ESRRG: variants seen among roughly 807,000 people sequenced by gnomAD.
ESRRG encodes the protein estrogen-related receptor gamma.
In ESRRG, 13 loss-of-function variants were observed where a neutral mutation model predicts 44.0. The ratio of observed to expected loss-of-function variants is 0.30; its 90% confidence interval spans 0.19 to 0.47. The LOEUF (loss-of-function observed/expected upper bound fraction) is 0.47, where lower values mean the gene tolerates loss of function less well. Among genes scored for constraint, ESRRG ranks in the 20% least tolerant of loss-of-function variants. The pLI is 1.00. For missense variants in ESRRG, 395 were observed against 580.6 expected, an observed-to-expected ratio of 0.68 and a Z score of 3.29; for synonymous variants, 215 against 214.6, an observed-to-expected ratio of 1.00 and a Z score of -0.02.
intron 3 of ESRRG, among the ~76,000 whole-genome samples, chr1:216,611,795 A>C (rs559722553): frequency 3.8e-4 from 58 of 152,314 alleles, no homozygotes; most frequent in African/African-American, 1.2e-3. Context: ...ATAGGACAAG[A>C]AACAATTCTT....
intron 3 of ESRRG, among the ~76,000 whole-genome samples, chr1:216,613,546 C>T (rs187034820): frequency 2.6e-5 from 4 of 152,246 alleles, no homozygotes; most frequent in East Asian, 3.9e-4. Context: ...TATGAGACCA[C>T]GTAAAGCCTC....
Position 216,871,740 on chromosome 1 carries a change from T to G in ESRRG, c.-14+67842A>C, listed in dbSNP as rs2096262545. Reference sequence around the variant, plus strand: ...ATCATCCTATAGTCCCCTTTATCCTTTCCTCTTTATGTCGTAGTTGCCATA... The same window carrying G: ...ATCATCCTATAGTCCCCTTTATCCTGTCCTCTTTATGTCGTAGTTGCCATA... On this transcript the variant is annotated intron_variant, in intron 2 of 7. Coordinates refer to the ESRRG transcript ENST00000359162. Among the ~76,000 whole-genome samples, 4 of 152,172 alleles carry G rather than the reference T, an allele frequency of 2.6e-5. No homozygotes were observed. In the South Asian group the frequency reaches 8.3e-4, roughly 32 times the overall value.
intron 2 of ESRRG, among the ~76,000 whole-genome samples, chr1:216,651,593 T>G (rs2068978262): frequency 6.6e-6 from 1 of 152,050 alleles, no homozygotes; most frequent in Non-Finnish European, 1.5e-5. Context: ...TCCTAGAGGG[T>G]AGGGACAGAA....
At chr1:217,040,095 G>T (rs11572418) in intron 1 of ESRRG, among the ~76,000 whole-genome samples, 1 of 152,094 alleles carries the variant, frequency 6.6e-6, no homozygotes, top group Non-Finnish European at 1.5e-5. Flanking sequence ...TTATTTTAAC[G>T]CAGTGATATC....
intron 1 of ESRRG, among the ~76,000 whole-genome samples, chr1:217,010,185 G>A (rs935832129): frequency 6.6e-6 from 1 of 151,856 alleles, no homozygotes; most frequent in Non-Finnish European, 1.5e-5. Context: ...AGGGGCAGAT[G>A]TAGTCATTAA....
At chr1:216,662,779 CT>C (rs1021392756) in intron 2 of ESRRG, among the ~76,000 whole-genome samples, 1 of 152,126 alleles carries the variant, frequency 6.6e-6, no homozygotes, top group Non-Finnish European at 1.5e-5. Context: ...ATATTTTTGT[CT>C]TTGCAGGTCA....
chr1:216,672,797 G>A (rs529404339), intron 2 of ESRRG, among the ~76,000 whole-genome samples: 13 of 152,276 alleles, frequency 8.5e-5, no homozygotes, highest in Middle Eastern at 3.4e-3. Context: ...AGCCCAGGAG[G>A]TGGAGGCTGC....
At chr1:216,606,179 T>C (rs993675156) in intron 3 of ESRRG, among the ~76,000 whole-genome samples, 6 of 152,118 alleles carry the variant, frequency 3.9e-5, no homozygotes, top group Non-Finnish European at 8.8e-5. Context: ...TACCTAGCTG[T>C]TATCTTGGTG....
At chr1:217,066,135 T>C (rs1013556354) in intron 1 of ESRRG, among the ~76,000 whole-genome samples, 1 of 152,270 alleles carries the variant, frequency 6.6e-6, no homozygotes, top group South Asian at 2.1e-4. Context: ...TGTTGTTAAA[T>C]GTGGCTCAAT....
chr1:216,650,276 A>C (rs2068627370), intron 3 of ESRRG, among the ~76,000 whole-genome samples: 1 of 152,184 alleles, frequency 6.6e-6, no homozygotes, highest in South Asian at 2.1e-4. Flanking sequence ...CTTTTTATCC[A>C]TCTCCAAGCT....
intron 3 of ESRRG, among the ~76,000 whole-genome samples, chr1:216,592,625 C>A (rs528200280): frequency 1.2e-3 from 184 of 152,156 alleles, no homozygotes; most frequent in Non-Finnish European, 1.8e-3. Context: ...CTCAGCCTCC[C>A]AAGTAGCTGG....
chr1:216,606,630 G>T (rs892546673), intron 3 of ESRRG, among the ~76,000 whole-genome samples: 1 of 152,052 alleles, frequency 6.6e-6, no homozygotes, highest in Non-Finnish European at 1.5e-5. Context: ...AGCAAGGAAC[G>T]CAAGGGTACA....
intron 2 of ESRRG, among the ~76,000 whole-genome samples, chr1:216,869,319 G>A (rs183768890): frequency 6.6e-6 from 1 of 152,134 alleles, no homozygotes; most frequent in Non-Finnish European, 1.5e-5. Context: ...ATCATTTGCT[G>A]AAAGGACAAA....
chr1:216,702,308 A>G (rs1464497655), intron 1 of ESRRG, among the ~76,000 whole-genome samples: 2 of 152,212 alleles, frequency 1.3e-5, no homozygotes, highest in Admixed American at 1.3e-4. Context: ...AAAGAAATCT[A>G]TAAGAGGCCA....
intron 2 of ESRRG, among the ~76,000 whole-genome samples, chr1:216,808,910 ATTTTTTTCTT>A (rs923639733): frequency 9.2e-5 from 14 of 151,740 alleles, no homozygotes; most frequent in African/African-American, 3.2e-4. Flanking sequence ...TTTTCCTCCT[ATTTTTTTCTT>A]TTTTTTTCTC....
chr1:216,634,734 C>T (rs912296106), intron 3 of ESRRG, among the ~76,000 whole-genome samples: 2 of 152,068 alleles, frequency 1.3e-5, no homozygotes, highest in Admixed American at 6.6e-5. Flanking sequence ...CAGACAGGGG[C>T]GTGGATACAT....
chr1:216,555,259 T>A (rs1289439150), intron 5 of ESRRG, among the ~76,000 whole-genome samples: 2 of 152,198 alleles, frequency 1.3e-5, no homozygotes, highest in East Asian at 3.9e-4. Flanking sequence ...GATCCAAAAT[T>A]ATTTCAAATT....
chr1:216,713,691 T>C (rs2084149170), intron 1 of ESRRG, among the ~76,000 whole-genome samples: 1 of 152,214 alleles, frequency 6.6e-6, no homozygotes. Flanking sequence ...CATATTCACC[T>C]GTAATTTCAT....
At chr1:217,001,310 C>T (rs1369855068) in intron 1 of ESRRG, among the ~76,000 whole-genome samples, 2 of 152,186 alleles carry the variant, frequency 1.3e-5, no homozygotes, top group Non-Finnish European at 2.9e-5. Flanking sequence ...CAAATCCACA[C>T]TTGATTACCG....
Sources: gnomAD v4.1 joint callset for allele counts (sites outside exome capture counted in the v4.1 genomes callset) on GRCh38, gnomAD v4.1.1 for gene constraint, MANE v1.5 for transcripts, NCBI Gene and HGNC (gene_info 2026-07-23, HGNC 2026-07-21) for gene names.